The following MAGI2 variants were observed in gnomAD, a reference collection of about 807,000 sequenced individuals.
The protein encoded by MAGI2 is membrane associated guanylate kinase, WW and PDZ domain containing 2, also known as membrane-associated guanylate kinase, WW and PDZ domain-containing protein 2.
A neutral mutation model predicts 133.3 loss-of-function variants in MAGI2; 35 were observed. The ratio of observed to expected loss-of-function variants is 0.26; its 90% CI spans 0.20 to 0.35. The LOEUF is 0.35. MAGI2 is among the 10% of genes least tolerant of loss of function. The pLI is 1.00. For synonymous variants in MAGI2, 729 were observed against 710.6 expected (o/e 1.03, Z -0.41); for missense variants, 1,636 against 1,863.4 (o/e 0.88, Z 2.25).
At chr7:78,451,342 A>T (rs1788704955) in intron 6 of MAGI2, among the ~76,000 whole-genome samples, 1 of 152,138 alleles carries the variant, frequency 6.6e-6, no homozygotes, top group South Asian at 2.1e-4. Context: ...TTTAGAACGC[A>T]AAGGAAAAAT....
At position 78,815,627 on chromosome 7, in the gene MAGI2, G is replaced by A. The variant is rs887240908; in HGVS notation, c.419-188388C>T. ...CTCTGTGTCACGTTTGGTAATTCTT[G>A]CAATATTTCAAACTTTTTCATTATG... On this transcript the variant is annotated intron_variant, in intron 2 of 21. Coordinates refer to ENST00000354212, the MANE Select transcript of MAGI2 (RefSeq NM_012301.4). Among the ~76,000 whole-genome samples, 3 of 151,886 alleles carry A rather than the reference G, an allele frequency of 2.0e-5. No homozygotes were observed. The East Asian group carries it at 5.8e-4, about 29-fold the overall frequency.
chr7:78,206,922 C>T (rs6963699), intron 10 of MAGI2, among the ~76,000 whole-genome samples: 24,127 of 152,060 alleles, frequency 0.16, 2,073 homozygotes, highest in Middle Eastern at 0.2. Flanking sequence ...TGCCCTAAAG[C>T]TGTGTGTTCT....
intron 2 of MAGI2, among the ~76,000 whole-genome samples, chr7:78,640,546 T>C (rs577779588): frequency 6.6e-6 from 1 of 152,204 alleles, no homozygotes; most frequent in African/African-American, 2.4e-5. Context: ...TAGATAAATC[T>C]TTACCTCCTT....
chr7:78,167,804 T>G (rs1825754328), intron 15 of MAGI2, 112 bp downstream of exon 15: 2 of 963,712 alleles, frequency 2.1e-6, no homozygotes, highest in Non-Finnish European at 3.1e-6. Flanking sequence ...GTTTCCTTCC[T>G]CATATAATGT....
intron 3 of MAGI2, among the ~76,000 whole-genome samples, chr7:78,622,509 G>A (rs1807855209): frequency 6.6e-6 from 1 of 151,958 alleles, no homozygotes; most frequent in South Asian, 2.1e-4. Context: ...AAAGTTCTCA[G>A]GTCTTTGTCT....
chr7:78,135,249 AT>A (rs1821990867), intron 16 of MAGI2, 43 bp from the exon 17 acceptor site: 7 of 1,493,704 alleles, frequency 4.7e-6, no homozygotes, highest in Non-Finnish European at 5.6e-6. Flanking sequence ...GACATCACCA[AT>A]ACATGTTCTT....
intron 1 of MAGI2, among the ~76,000 whole-genome samples, chr7:79,423,224 T>TAA (rs3051394): frequency 1.6e-3 from 248 of 151,520 alleles, no homozygotes; most frequent in East Asian, 0.013. Context: ...ACATCATCAA[T>TAA]AAAAACTATA....
Position 78,531,433 on chromosome 7 carries a change from C to T in MAGI2, c.539-9788G>A, listed in dbSNP as rs898893443. Among the ~76,000 whole-genome samples the T allele has an allele frequency of 1.2e-4, 19 of 152,136 alleles. No individual in the cohort carries two copies. In the South Asian group the frequency reaches 1.9e-3, roughly 15 times the overall value. ...TTCACCATGTTGGCCAGGATGGTCT[C>T]GATCTCTTGACCTCGTGATCTGCCT... On this transcript the variant is annotated intron_variant, in intron 3 of 21. Coordinates refer to ENST00000354212, the MANE Select transcript of MAGI2 (RefSeq NM_012301.4).
chr7:79,343,538 G>T (rs1841066851), intron 1 of MAGI2, among the ~76,000 whole-genome samples: 2 of 67,224 alleles, frequency 3.0e-5, no homozygotes, highest in African/African-American at 5.7e-5. Flanking sequence ...CCAGCCTGAT[G>T]TATTTTCTTT....
At chr7:78,624,369 A>G (rs1236245794) in intron 3 of MAGI2, among the ~76,000 whole-genome samples, 3 of 152,052 alleles carry the variant, frequency 2.0e-5, no homozygotes, top group African/African-American at 7.2e-5. Flanking sequence ...TGGTGTTTTC[A>G]TCACGAAACA....
chr7:79,387,393 T>C (rs927308132), intron 1 of MAGI2, among the ~76,000 whole-genome samples: 2 of 152,096 alleles, frequency 1.3e-5, no homozygotes, highest in Admixed American at 6.6e-5. Flanking sequence ...TCTTCTATCA[T>C]ATCTCTGTAT....
At chr7:79,234,910 C>T (rs1358931328) in intron 1 of MAGI2, among the ~76,000 whole-genome samples, 3 of 151,924 alleles carry the variant, frequency 2.0e-5, no homozygotes, top group Non-Finnish European at 2.9e-5. Context: ...CTGTTTTTTC[C>T]CTATCTTTGT....
chr7:78,994,256 A>G (rs779860086), intron 2 of MAGI2, among the ~76,000 whole-genome samples: 3 of 152,084 alleles, frequency 2.0e-5, no homozygotes, highest in Non-Finnish European at 4.4e-5. Flanking sequence ...GTTCTATTAT[A>G]ATGACAGGAA....
chr7:78,071,538 G>A (rs760222211), intron 21 of MAGI2, among the ~76,000 whole-genome samples: 14 of 151,990 alleles, frequency 9.2e-5, no homozygotes, highest in African/African-American at 2.4e-4. Flanking sequence ...CCCTGTCCCC[G>A]CTGCCAGAAA....
At chr7:78,072,821 C>A in intron 21 of MAGI2, 1 of 397,682 alleles carries the variant, frequency 2.5e-6, no homozygotes, top group Non-Finnish European at 4.4e-6. Context: ...GAGTATGCCA[C>A]CACGCTTGGC....
At chr7:78,624,782 A>G (rs1808156780) in intron 3 of MAGI2, among the ~76,000 whole-genome samples, 1 of 152,098 alleles carries the variant, frequency 6.6e-6, no homozygotes, top group Admixed American at 6.6e-5. Flanking sequence ...GTCGAAGAAG[A>G]AAAAAAAGTA....
At chr7:79,040,118 T>C (rs888748575) in intron 1 of MAGI2, among the ~76,000 whole-genome samples, 13 of 151,900 alleles carry the variant, frequency 8.6e-5, no homozygotes, top group African/African-American at 2.9e-4. Flanking sequence ...GTGGAGGTAA[T>C]TGAGTCATGG....
intron 6 of MAGI2, among the ~76,000 whole-genome samples, chr7:78,372,651 A>G (rs1370698725): frequency 6.6e-6 from 1 of 152,166 alleles, no homozygotes; most frequent in African/African-American, 2.4e-5. Flanking sequence ...CCATGGGGCA[A>G]ATTCAGTGAT....
In MAGI2 at chr7:79,057,095, T is replaced by A. The variant is rs559182518; in HGVS notation, c.302-49889A>T. The stretch of plus-strand genomic sequence containing the variant: ...CATGCTATTCTGAAAACATTCTTTT[T>A]CAAGCTCACAGAACATCTTGTAAAT... On this transcript the variant is annotated intron_variant, in intron 1 of 21. Coordinates refer to ENST00000354212, the MANE Select transcript of MAGI2 (RefSeq NM_012301.4). Among the ~76,000 whole-genome samples the A allele has an allele frequency of 1.2e-4, 19 of 152,348 alleles. 1 individual carries two copies. In the South Asian group the frequency reaches 3.9e-3, roughly 32 times the overall value.
Sources: gnomAD v4.1 joint callset for allele counts (sites outside exome capture counted in the v4.1 genomes callset) on GRCh38, gnomAD v4.1.1 for gene constraint, MANE v1.5 for transcripts, NCBI Gene and HGNC (gene_info 2026-07-23, HGNC 2026-07-21) for gene names.